The following AP1B1 variants were observed in gnomAD, a reference collection of about 807,000 sequenced individuals.
The protein encoded by AP1B1 is AP-1 complex subunit beta-1.
A neutral mutation model predicts 104.3 loss-of-function variants in AP1B1; 36 were observed. That is an observed-to-expected ratio of 0.35 (90% CI 0.26 to 0.46). The LOEUF is 0.46. Among genes scored for constraint, AP1B1 ranks in the 20% least tolerant of loss-of-function variants. The probability of loss-of-function intolerance (pLI) is 1.00; values close to 1 mark genes in which losing one functional copy is unlikely to be tolerated. For synonymous variants in AP1B1, 504 were observed against 517.5 expected, an observed-to-expected ratio of 0.97 and a Z score of 0.35; for missense variants, 901 against 1,247.9, an observed-to-expected ratio of 0.72 and a Z score of 4.19.
At chr22:29,376,194 C>G (rs2062338148) in intron 1 of AP1B1, among the ~76,000 whole-genome samples, 1 of 152,214 alleles carries the variant, frequency 6.6e-6, no homozygotes, top group African/African-American at 2.4e-5. Context: ...CAGTAAGAAG[C>G]CAAACAACAG....
chr22:29,355,940 T>C (rs2061950433), intron 6 of AP1B1, among the ~76,000 whole-genome samples: 1 of 151,936 alleles, frequency 6.6e-6, no homozygotes, highest in South Asian at 2.1e-4. Flanking sequence ...TCCTCCGACT[T>C]GGAGGGTATC....
At chr22:29,345,226 T>C (rs75692774) in intron 11 of AP1B1, among the ~76,000 whole-genome samples, 1 of 133,562 alleles carries the variant, frequency 7.5e-6, no homozygotes, top group South Asian at 2.3e-4. Flanking sequence ...ACCCAGTTCA[T>C]TTTTTTTTTT....
intron 6 of AP1B1, among the ~76,000 whole-genome samples, chr22:29,355,753 G>T (rs1461757004): frequency 6.6e-6 from 1 of 151,222 alleles, no homozygotes; most frequent in East Asian, 2.0e-4. Context: ...AAAATTAGCT[G>T]CTCATGTTGG....
chr22:29,337,142 G>A (rs546493476), intron 16 of AP1B1, among the ~76,000 whole-genome samples: 73 of 152,310 alleles, frequency 4.8e-4, no homozygotes, highest in Non-Finnish European at 9.1e-4. Flanking sequence ...TGGTTCTCAC[G>A]CTCTGTGGGG....
At chr22:29,377,423 G>C (rs1030646674) in intron 1 of AP1B1, among the ~76,000 whole-genome samples, 2 of 152,062 alleles carry the variant, frequency 1.3e-5, no homozygotes. Flanking sequence ...TGTTCTTTAG[G>C]CTCAGCATGA....
At chr22:29,384,096 C>T (rs1483390478) in intron 1 of AP1B1, among the ~76,000 whole-genome samples, 1 of 152,206 alleles carries the variant, frequency 6.6e-6, no homozygotes, top group Admixed American at 6.5e-5. Flanking sequence ...ACAGGCACAA[C>T]TGCAGCACAA....
chr22:29,347,013 T>C (rs2061803687), intron 11 of AP1B1, among the ~76,000 whole-genome samples: 1 of 151,968 alleles, frequency 6.6e-6, no homozygotes, highest in Non-Finnish European at 1.5e-5. Flanking sequence ...ATAATGCAAA[T>C]AGGTCCTGGG....
intron 5 of AP1B1, among the ~76,000 whole-genome samples, chr22:29,357,688 G>GTTTT (rs695400): frequency 7.1e-5 from 9 of 126,118 alleles, no homozygotes; most frequent in Non-Finnish European, 9.7e-5. Flanking sequence ...TCAGGCAGCT[G>GTTTT]TTTTTTTTTT....
intron 2 of AP1B1, among the ~76,000 whole-genome samples, chr22:29,365,497 C>A (rs920128323): frequency 1.1e-4 from 17 of 151,872 alleles, no homozygotes; most frequent in African/African-American, 4.1e-4. Context: ...CAAAAAAAAA[C>A]AAACAAACAA....
intron 7 of AP1B1, 22 bp downstream of exon 7, chr22:29,354,628 G>A (rs372615566): frequency 5.6e-6 from 9 of 1,604,094 alleles, no homozygotes; most frequent in Admixed American, 1.7e-5. Context: ...ACGCATGGAC[G>A]TGCGTGTGGT....
At position 29,370,819 on chromosome 22, in the gene AP1B1, G is replaced by C. The variant is rs79877041; in HGVS notation, c.-27-3549C>G. Among the ~76,000 whole-genome samples the C allele has an allele frequency of 2.9e-3, 442 of 152,266 alleles. 1 individual carries two copies. Among genetic ancestry groups the C allele is most frequent in the African/African-American group, 0.01 (428 of 41,552 alleles). On this transcript the variant is annotated intron_variant, in intron 1 of 22. Transcript: ENST00000357586. The stretch of plus-strand genomic sequence containing the variant: ...ATACCCCAACAGCGCTGAGCTTTCC[G>C]TGACAGTCTTCCTTTTACAGGTGCT...
At chr22:29,371,851 C>G (rs1237764972) in intron 1 of AP1B1, among the ~76,000 whole-genome samples, 2 of 152,264 alleles carry the variant, frequency 1.3e-5, no homozygotes, top group African/African-American at 2.4e-5. Context: ...AGAAACTGCT[C>G]TGGCCAGTAT....
rs141315822 is a variant in AP1B1 at position 29,348,635 on chromosome 22, A to G, written c.1437+583T>C. Among the ~76,000 whole-genome samples, 4 of 152,338 alleles carry G rather than the reference A, an allele frequency of 2.6e-5. No individual in the cohort carries two copies. In the East Asian group the frequency reaches 7.7e-4, roughly 29 times the overall value. On this transcript the variant is annotated intron_variant, in intron 11 of 22. Transcript: ENST00000357586. ...ACGTTGGGTCTAGATGCTCACAGAAACTAAACTCTATATTTCTCCTAGGAG... is the reference window on the plus strand; with the variant it reads ...ACGTTGGGTCTAGATGCTCACAGAAGCTAAACTCTATATTTCTCCTAGGAG...
In AP1B1 at chr22:29,340,604, T is replaced by C. The variant is rs185573921; in HGVS notation, c.1998+52A>G. ...CTGGCATGGAGGGGCATTCAGTGAC[T>C]GCTCCTCTGAGGATCATTATCAACA... is the stretch of plus-strand genomic sequence containing the variant. On this transcript the variant is annotated intron_variant, in intron 14 of 22. Coordinates refer to ENST00000357586, the MANE Select transcript of AP1B1 (RefSeq NM_001127.4). 6.3e-3 allele frequency: 9,249 copies of C among 1,479,036 alleles called. 53 individuals are homozygous for C. The highest frequency in any genetic ancestry group is 7.5e-3 in the Non-Finnish European group (8,256 of 1,105,998). 91.6% of individuals were successfully genotyped at this position (1,479,036 alleles called of 1,614,324 possible). A position where few individuals can be genotyped will look rare whatever the true frequency, so the allele number is the denominator to read the frequency against.
chr22:29,387,077 C>A (rs367559003), intron 1 of AP1B1, among the ~76,000 whole-genome samples: 2 of 152,284 alleles, frequency 1.3e-5, no homozygotes, highest in South Asian at 4.1e-4. Flanking sequence ...GAGAAGTTCT[C>A]GACAATCTTC....
At position 29,358,767 on chromosome 22, in the gene AP1B1, G is replaced by A. The variant is rs1175314658; in HGVS notation, c.484C>T (p.Leu162=). 98 of 1,614,096 alleles carry A rather than the reference G, an allele frequency of 6.1e-5. 2 individuals are homozygous for A. In the Admixed American group the frequency reaches 1.6e-3, roughly 26 times the overall value. The stretch of plus-strand genomic sequence containing the variant: ...GAGATGAGGTCTTTAAGGGTGTCCA[G>A]GAAGCCCTGGTCCTCCACCAGCTGG... ...NAQLVEDQGF[L]DTLKDLISDS... is the part of the protein sequence containing the mutation. Residue 162 remains leucine (L), a synonymous_variant, in exon 5 of 23, where the codon CTG becomes TTG. Coordinates refer to ENST00000357586, the MANE Select transcript of AP1B1 (RefSeq NM_001127.4).
intron 1 of AP1B1, among the ~76,000 whole-genome samples, chr22:29,369,535 G>A (rs75756579): frequency 0.051 from 7,803 of 152,264 alleles, 296 homozygotes; most frequent in African/African-American, 0.11. Context: ...AGCCCACTGC[G>A]TCTGATGTTG....
chr22:29,374,598 A>T (rs991556098), intron 1 of AP1B1, among the ~76,000 whole-genome samples: 2 of 152,242 alleles, frequency 1.3e-5, no homozygotes, highest in Non-Finnish European at 2.9e-5. Flanking sequence ...TGCTGAACTG[A>T]TAAAGAGCCA....
Position 29,350,131 on chromosome 22 carries a change from A to G in AP1B1, c.1175T>C (p.Val392Ala). ...IKVEQSAERC[V>A]STLLDLIQTK... ...CTGGATGAGGTCGAGCAGCGTGCTCACACAGCGCTCCGCAGATTGCTGCAT... is the reference window on the plus strand; with the variant it reads ...CTGGATGAGGTCGAGCAGCGTGCTCGCACAGCGCTCCGCAGATTGCTGCAT... Residue 392 changes from valine (V) to alanine (A), a missense_variant, in exon 10 of 23, where the codon GTG becomes GCG. By Grantham distance (64) the Val-to-Ala change is moderately conservative (BLOSUM62 0). Coordinates refer to ENST00000357586, the MANE Select transcript of AP1B1 (RefSeq NM_001127.4). 1 of 1,614,152 alleles carries G rather than the reference A, an allele frequency of 6.2e-7. No homozygotes were observed. Among genetic ancestry groups the G allele is most frequent in the East Asian group, 2.2e-5 (1 of 44,876 alleles).
Sources: gnomAD v4.1 joint callset for allele counts (sites outside exome capture counted in the v4.1 genomes callset) on GRCh38, gnomAD v4.1.1 for gene constraint, MANE v1.5 for transcripts, NCBI Gene and HGNC (gene_info 2026-07-23, HGNC 2026-07-21) for gene names.